CNTN5: variants seen among roughly 807,000 people sequenced by gnomAD.
The protein encoded by CNTN5 is contactin 5, also known as contactin-5.
In CNTN5, 77 loss-of-function variants were observed where a neutral mutation model predicts 129.1. The observed-to-expected ratio is 0.60, with a 90% CI of 0.50 to 0.72. The LOEUF (loss-of-function observed/expected upper bound fraction) is 0.72. Ranked by LOEUF, CNTN5 falls within the 30% of genes least tolerant of loss-of-function variation. CNTN5 has a pLI of 0.00. For missense variants in CNTN5, 1,478 were observed against 1,328.8 expected (o/e 1.11, Z -1.75); for synonymous variants, 509 against 465.6 (o/e 1.09, Z -1.20).
chr11:99,994,629 C>G (rs996045967), intron 8 of CNTN5, among the ~76,000 whole-genome samples: 1 of 152,118 alleles, frequency 6.6e-6, no homozygotes, highest in Non-Finnish European at 1.5e-5. Context: ...GTTATTGTGT[C>G]ATCAGATTAA....
chr11:99,942,112 T>C (rs950087933), intron 7 of CNTN5, among the ~76,000 whole-genome samples: 1 of 152,116 alleles, frequency 6.6e-6, no homozygotes, highest in South Asian at 2.1e-4. Flanking sequence ...TCCAACTATC[T>C]TTACTGGTAA....
chr11:99,442,454 G>A (rs207472248), intron 2 of CNTN5, among the ~76,000 whole-genome samples: 1 of 152,176 alleles, frequency 6.6e-6, no homozygotes, highest in Non-Finnish European at 1.5e-5. Flanking sequence ...ACAGGTGTGA[G>A]GCACTGCACC....
chr11:99,736,966 A>C (rs1432068963), intron 3 of CNTN5, among the ~76,000 whole-genome samples: 1 of 151,622 alleles, frequency 6.6e-6, no homozygotes, highest in Admixed American at 6.6e-5. Context: ...CTGGGAAATT[A>C]AGGAATTAAA....
At chr11:100,182,059 A>T (rs1170856249) in intron 13 of CNTN5, among the ~76,000 whole-genome samples, 1 of 152,098 alleles carries the variant, frequency 6.6e-6, no homozygotes, top group Non-Finnish European at 1.5e-5. Context: ...ACTTCAAGAG[A>T]GGTCATTATG....
chr11:100,095,369 A>G (rs998257306), intron 13 of CNTN5, among the ~76,000 whole-genome samples: 4 of 151,656 alleles, frequency 2.6e-5, no homozygotes, highest in African/African-American at 9.8e-5. Context: ...ACTAACCAGA[A>G]GTCTTTTTAT....
chr11:99,149,544 A>G (rs1465466160), intron 1 of CNTN5, among the ~76,000 whole-genome samples: 1 of 152,194 alleles, frequency 6.6e-6, no homozygotes, highest in Non-Finnish European at 1.5e-5. Context: ...GTCATACGTT[A>G]CAACACAGGA....
chr11:99,516,558 C>T (rs778948904), intron 2 of CNTN5, among the ~76,000 whole-genome samples: 52 of 152,148 alleles, frequency 3.4e-4, no homozygotes, highest in Non-Finnish European at 6.6e-4. Context: ...TGCTTACGCA[C>T]GGGCACACAA....
chr11:99,087,974 T>A (rs1866068172), intron 1 of CNTN5, among the ~76,000 whole-genome samples: 1 of 152,198 alleles, frequency 6.6e-6, no homozygotes, highest in Non-Finnish European at 1.5e-5. Context: ...AAATTCTTAA[T>A]AATTTTTGCA....
intron 1 of CNTN5, among the ~76,000 whole-genome samples, chr11:99,094,454 A>T (rs1219600228): frequency 6.6e-6 from 1 of 152,002 alleles, no homozygotes; most frequent in Non-Finnish European, 1.5e-5. Flanking sequence ...GTGGCATAAG[A>T]GAAGCAGTTT....
At chr11:99,385,746 A>C (rs1371094589) in intron 2 of CNTN5, among the ~76,000 whole-genome samples, 2 of 152,152 alleles carry the variant, frequency 1.3e-5, no homozygotes, top group African/African-American at 4.8e-5. Flanking sequence ...CAGAATAAGA[A>C]GGAGTTTTAG....
At chr11:99,482,942 G>A (rs1945657482) in intron 2 of CNTN5, among the ~76,000 whole-genome samples, 1 of 151,950 alleles carries the variant, frequency 6.6e-6, no homozygotes, top group African/African-American at 2.4e-5. Context: ...CTCAAATACT[G>A]AGGCGGGTGG....
At chr11:99,385,290 G>A (rs1940857232) in intron 2 of CNTN5, among the ~76,000 whole-genome samples, 4 of 151,892 alleles carry the variant, frequency 2.6e-5, no homozygotes, top group South Asian at 2.1e-4. Flanking sequence ...CAACATCAAC[G>A]TCTTCTCAAC....
At chr11:99,908,548 A>G (rs976745798) in intron 6 of CNTN5, among the ~76,000 whole-genome samples, 1 of 152,066 alleles carries the variant, frequency 6.6e-6, no homozygotes. Context: ...ACAAATTAGG[A>G]TTATTATATA....
intron 1 of CNTN5, among the ~76,000 whole-genome samples, chr11:99,122,545 TA>T (rs141430268): frequency 0.061 from 9,301 of 152,158 alleles, 309 homozygotes; most frequent in African/African-American, 0.085. Context: ...GCAACATTAT[TA>T]TTTTTTTAAC....
chr11:100,194,532 T>C (rs558618106), intron 15 of CNTN5, among the ~76,000 whole-genome samples: 130 of 151,642 alleles, frequency 8.6e-4, no homozygotes, highest in African/African-American at 2.9e-3. Flanking sequence ...TGGAAAACCA[T>C]AGCTTTAGTG....
chr11:99,696,771 G>T (rs1220206230), intron 3 of CNTN5, among the ~76,000 whole-genome samples: 1 of 151,824 alleles, frequency 6.6e-6, no homozygotes, highest in Non-Finnish European at 1.5e-5. Context: ...TTGGTATCTT[G>T]GTTTGGCAGT....
chr11:99,897,983 G>T (rs187834026), intron 6 of CNTN5, among the ~76,000 whole-genome samples: 3 of 151,872 alleles, frequency 2.0e-5, no homozygotes, highest in Admixed American at 2.0e-4. Flanking sequence ...AGAAAAAGCA[G>T]GTTGAACAAC....
chr11:99,955,645 C>T lies in CNTN5; in HGVS notation c.674-1161C>T, dbSNP rs142018789. On this transcript the variant is annotated intron_variant, in intron 7 of 24. Transcript: ENST00000524871. The stretch of plus-strand genomic sequence containing the variant: ...CATGACCTCGGCTCACTGCAAGCTC[C>T]GCCTCTCAGTTCAAGCCATTCTCCT... Among the ~76,000 whole-genome samples the T allele has an allele frequency of 9.6e-3, 1,453 of 152,014 alleles. 32 individuals are homozygous for T. Among genetic ancestry groups the T allele is most frequent in the East Asian group, 0.084 (432 of 5,146 alleles).
At chr11:99,923,753 G>GTCTGTCTATCTA (rs1270066434) in intron 7 of CNTN5, among the ~76,000 whole-genome samples, 1 of 116,242 alleles carries the variant, frequency 8.6e-6, no homozygotes, top group Admixed American at 8.5e-5. Flanking sequence ...TAATCTATCT[G>GTCTGTCTATCTA]TCTGTCTATC....
Sources: allele counts gnomAD v4.1 joint callset (sites outside exome capture counted in the v4.1 genomes callset), GRCh38; gene constraint gnomAD v4.1.1; transcripts MANE v1.5; gene names NCBI Gene and HGNC (gene_info 2026-07-23, HGNC 2026-07-21).